Variants in ZNF546 observed in about 807,000 individuals in gnomAD.
ZNF546 encodes zinc finger protein 546.
ZNF546 carries 60 observed loss-of-function variants against 76.2 expected under a neutral mutation model. The observed-to-expected ratio is 0.79, with a 90% CI of 0.64 to 0.98. ZNF546 has a LOEUF of 0.98. Among genes scored for constraint, ZNF546 ranks in the 50% least tolerant of loss-of-function variants. ZNF546 has a pLI of 0.00. For missense variants in ZNF546, 936 were observed against 1,035.6 expected, an observed-to-expected ratio of 0.90 and a Z score of 1.32; for synonymous variants, 277 against 328.1, an observed-to-expected ratio of 0.84 and a Z score of 1.68.
At chr19:40,010,007 CTT>C (rs1461977588) in intron 6 of ZNF546, among the ~76,000 whole-genome samples, 2 of 151,836 alleles carry the variant, frequency 1.3e-5, no homozygotes, top group Non-Finnish European at 2.9e-5. Context: ...TTGGTATAGA[CTT>C]ATGCTTTCAT....
intron 6 of ZNF546, among the ~76,000 whole-genome samples, chr19:40,013,371 A>G (rs566074245): frequency 6.6e-6 from 1 of 152,302 alleles, no homozygotes; most frequent in South Asian, 2.1e-4. Flanking sequence ...GTCAAGTGTT[A>G]TTATAACACA....
chr19:40,013,197 A>C (rs1288284047), intron 6 of ZNF546, among the ~76,000 whole-genome samples: 1 of 152,214 alleles, frequency 6.6e-6, no homozygotes, highest in African/African-American at 2.4e-5. Flanking sequence ...AGAGTTCTCT[A>C]AGCCAGGAAC....
chr19:40,003,885 G>A (rs234315), intron 3 of ZNF546, among the ~76,000 whole-genome samples: 23,931 of 151,318 alleles, frequency 0.16, 4,601 homozygotes, highest in African/African-American at 0.46. Context: ...AGTGGTGGGC[G>A]CCTGTAATCC....
At chr19:39,998,702 CAG>C (rs1318346157) in intron 3 of ZNF546, among the ~76,000 whole-genome samples, 5 of 152,098 alleles carry the variant, frequency 3.3e-5, no homozygotes, top group Non-Finnish European at 7.4e-5. Context: ...TATTTTTATA[CAG>C]AGTTAGTCAT....
chr19:40,010,955 C>T (rs1971663411), intron 6 of ZNF546, among the ~76,000 whole-genome samples: 2 of 152,188 alleles, frequency 1.3e-5, no homozygotes, highest in Admixed American at 6.5e-5. Context: ...GCTGGGCTTA[C>T]AGGCGTGAGC....
Position 40,008,520 on chromosome 19 carries a change from G to A in ZNF546, c.349G>A (p.Glu117Lys). ...DVITLLEQEK[E>K]PWIVMREGTR... ...GATTACTTTATTGGAGCAAGAGAAA[G>A]AGCCCTGGATAGTAATGAGGGAAGG... Residue 117 changes from glutamate to lysine, a missense_variant, in exon 6 of 7, where the codon GAG (glutamate) becomes AAG (lysine). By Grantham distance (56) the Glu-to-Lys change is moderately conservative. Transcript: ENST00000347077. 1.2e-6 allele frequency: 2 copies of A among 1,612,914 alleles called. No homozygotes were observed. The highest frequency in any genetic ancestry group is 1.7e-6 in the Non-Finnish European group (2 of 1,179,128).
chr19:40,008,454 C>T lies in ZNF546; in HGVS notation c.299-16C>T, dbSNP rs773404369. 2.6e-6 allele frequency: 4 copies of T among 1,538,344 alleles called. No individual in the cohort carries two copies. The East Asian group carries it at 6.8e-5, about 26-fold the overall frequency. On this transcript the variant is annotated splice_polypyrimidine_tract_variant and intron_variant, in intron 5 of 6. Coordinates refer to ENST00000347077, the MANE Select transcript of ZNF546 (RefSeq NM_178544.5). ...TTTTTTTCTATAACATGTGTCATTT[C>T]TTTTCTCATGAGCAGGATATACCAT...
chr19:40,014,660 A>G lies in ZNF546; in HGVS notation c.1390A>G (p.Thr464Ala). ...ACTTACTCGGCATCATAGAACTCAT[A>G]CTGGTGAGAAACCCTATGAATGTAA... ...TELTRHHRTH[T>A]GEKPYECKEC... Residue 464 changes from threonine (T) to alanine (A), a missense_variant, in exon 7 of 7, where the codon ACT (threonine) becomes GCT (alanine). Thr to Ala is a moderately conservative substitution (Grantham distance 58). Coordinates refer to ENST00000347077, the MANE Select transcript of ZNF546 (RefSeq NM_178544.5). 3 of 1,611,890 alleles carry G rather than the reference A, an allele frequency of 1.9e-6. No homozygotes were observed. The highest frequency in any genetic ancestry group is 2.5e-6 in the Non-Finnish European group (3 of 1,179,216).
intron 5 of ZNF546, 114 bp downstream of exon 5, chr19:40,007,514 T>A: frequency 8.6e-7 from 1 of 1,164,098 alleles, no homozygotes; most frequent in Non-Finnish European, 1.1e-6. Flanking sequence ...ATTTCTAAAG[T>A]CATAGTTTCA....
chr19:40,004,051 T>C (rs1971566588), intron 3 of ZNF546, among the ~76,000 whole-genome samples: 1 of 139,452 alleles, frequency 7.2e-6, no homozygotes, highest in Non-Finnish European at 1.5e-5. Context: ...TATATTTATA[T>C]GTATTTATAT....
At chr19:40,011,288 C>A (rs1373443692) in intron 6 of ZNF546, 1 of 151,302 alleles carries the variant, frequency 6.6e-6, no homozygotes, top group Non-Finnish European at 1.5e-5. Context: ...TGCAGTGGCA[C>A]AATCTCGGCT....
chr19:40,008,358 C>T, intron 5 of ZNF546, 112 bp from the exon 6 acceptor site: 1 of 689,610 alleles, frequency 1.5e-6, no homozygotes, highest in Non-Finnish European at 2.4e-6. Context: ...TGTCTAGTAC[C>T]ATTTTCACCT....
In ZNF546 at chr19:40,015,713, A is replaced by G; in HGVS notation, c.2443A>G (p.Ile815Val). The G allele has an allele frequency of 6.2e-7, 1 of 1,614,126 alleles. No homozygotes were observed. The highest frequency in any genetic ancestry group is 8.5e-7 in the Non-Finnish European group (1 of 1,179,950). The change falls in exon 7 of 7, where the codon ATT (isoleucine) becomes GTT (valine). Residue 815 changes from isoleucine (I) to valine (V), a missense_variant. Physicochemically the swap from Ile to Val is conservative, Grantham distance 29. Transcript: ENST00000347077. ...YQCKECGKAF[I>V]RSDQLTLHQR... ...ATGTAAAGAATGTGGAAAAGCCTTT[A>G]TTCGTAGTGATCAACTTACTTTACA...
At chr19:40,006,050 G>A (rs772679811) in intron 3 of ZNF546, 46 bp from the exon 4 acceptor site, 2 of 1,531,064 alleles carry the variant, frequency 1.3e-6, no homozygotes, top group Non-Finnish European at 1.8e-6. Flanking sequence ...CATTTTAGGA[G>A]TTTTGACACA....
chr19:40,012,581 G>A (rs902169158), intron 6 of ZNF546, among the ~76,000 whole-genome samples: 5 of 152,050 alleles, frequency 3.3e-5, no homozygotes, highest in African/African-American at 9.7e-5. Flanking sequence ...TAGGGGGAAC[G>A]AGAAACTCTA....
chr19:40,016,832 CA>C lies in ZNF546; in HGVS notation c.*1052del, dbSNP rs983384811. On this transcript the variant is annotated 3_prime_UTR_variant, in exon 7 of 7. Transcript: ENST00000347077. ...TGATATATATAAATAATATAATTCT[CA>C]TAATTCCACCTCTGCCTATGTGGTG... 1 of 152,156 alleles carries C rather than the reference CA, an allele frequency of 6.6e-6. No individual in the cohort carries two copies. Among genetic ancestry groups the C allele is most frequent in the Non-Finnish European group, 1.5e-5 (1 of 68,016 alleles). The allele number at this position is 152,156 out of a possible 1,614,324, so 9.4% of individuals were successfully genotyped here.
chr19:40,011,266 C>T (rs1971668823), intron 6 of ZNF546: 1 of 151,404 alleles, frequency 6.6e-6, no homozygotes, highest in Non-Finnish European at 1.5e-5. Flanking sequence ...CGCTCTGTCA[C>T]CCAGGCTGGA....
chr19:40,000,056 ACT>A (rs1439535762), intron 3 of ZNF546, among the ~76,000 whole-genome samples: 2 of 152,228 alleles, frequency 1.3e-5, no homozygotes, highest in African/African-American at 4.8e-5. Context: ...CTTTCTTATA[ACT>A]CTGTGCACAT....
At chr19:40,005,203 G>A (rs866025732) in intron 3 of ZNF546, among the ~76,000 whole-genome samples, 3 of 151,718 alleles carry the variant, frequency 2.0e-5, no homozygotes, top group African/African-American at 7.3e-5. Flanking sequence ...TGTATTTTTA[G>A]TAGAGATGGT....
Sources: gnomAD v4.1 joint callset for allele counts (sites outside exome capture counted in the v4.1 genomes callset) on GRCh38, gnomAD v4.1.1 for gene constraint, MANE v1.5 for transcripts, NCBI Gene and HGNC (gene_info 2026-07-23, HGNC 2026-07-21) for gene names.